ZSWIM5: variants seen among roughly 807,000 people sequenced by gnomAD.
ZSWIM5 encodes zinc finger SWIM domain-containing protein 5.
ZSWIM5 carries 55 observed loss-of-function variants against 119.6 expected under a neutral mutation model. The observed-to-expected ratio is 0.46, with a 90% CI of 0.37 to 0.58. The LOEUF is 0.58. Ranked by LOEUF, ZSWIM5 falls within the 20% of genes least tolerant of loss-of-function variation. The pLI is 0.00. For missense variants in ZSWIM5, 1,193 were observed against 1,512.8 expected (o/e 0.79, Z 3.51); for synonymous variants, 537 against 606.9 (o/e 0.88, Z 1.69).
intron 1 of ZSWIM5, among the ~76,000 whole-genome samples, chr1:45,197,084 G>C (rs191891909): frequency 2.0e-5 from 3 of 152,338 alleles, no homozygotes; most frequent in Non-Finnish European, 2.9e-5. Context: ...GAACTCAGCT[G>C]TGTTGACCAA....
At chr1:45,150,085 G>GT (rs1387543370) in intron 1 of ZSWIM5, among the ~76,000 whole-genome samples, 2 of 148,522 alleles carry the variant, frequency 1.3e-5, no homozygotes, top group Non-Finnish European at 3.0e-5. Flanking sequence ...CAGGAGGACT[G>GT]TTTGAGCCCA....
At chr1:45,137,469 A>G (rs554224963) in intron 1 of ZSWIM5, among the ~76,000 whole-genome samples, 57 of 152,354 alleles carry the variant, frequency 3.7e-4, no homozygotes, top group Admixed American at 3.5e-3. Context: ...AGAAAAAAAA[A>G]GTAGATCAAG....
At chr1:45,174,623 T>C (rs1645968018) in intron 1 of ZSWIM5, among the ~76,000 whole-genome samples, 1 of 149,682 alleles carries the variant, frequency 6.7e-6, no homozygotes, top group Non-Finnish European at 1.5e-5. Context: ...TACAAAATAC[T>C]CTCCTACTCG....
At chr1:45,205,693 C>T (rs1646183660) in intron 1 of ZSWIM5, 63 bp downstream of exon 1, 2 of 1,421,254 alleles carry the variant, frequency 1.4e-6, no homozygotes, top group Admixed American at 4.4e-5. Flanking sequence ...AGGGCTCGGG[C>T]CGAGAAGAGG....
chr1:45,096,544 ACACACACACG>A (rs1196727358), intron 1 of ZSWIM5, among the ~76,000 whole-genome samples: 2 of 145,218 alleles, frequency 1.4e-5, no homozygotes, highest in Admixed American at 6.7e-5. Flanking sequence ...CAACACACAC[ACACACACACG>A]CACACACACA....
chr1:45,105,923 G>T (rs1479589820), intron 1 of ZSWIM5, among the ~76,000 whole-genome samples: 2 of 122,094 alleles, frequency 1.6e-5, no homozygotes, highest in African/African-American at 6.2e-5. Flanking sequence ...AGGAAGTGAG[G>T]AGCGCCTCTG....
chr1:45,193,938 G>GTGTGTATATATATATATA (rs766920512), intron 1 of ZSWIM5, among the ~76,000 whole-genome samples: 2 of 146,210 alleles, frequency 1.4e-5, no homozygotes, highest in African/African-American at 5.1e-5. Context: ...GTGCATATGT[G>GTGTGTATATATATATATA]TATATATATA....
intron 1 of ZSWIM5, among the ~76,000 whole-genome samples, chr1:45,155,877 T>C (rs1389963857): frequency 6.6e-6 from 1 of 152,112 alleles, no homozygotes; most frequent in Non-Finnish European, 1.5e-5. Context: ...CTTTGGGGAC[T>C]TGGGGGGAAA....
intron 1 of ZSWIM5, among the ~76,000 whole-genome samples, chr1:45,149,107 A>T (rs150423904): frequency 6.8e-6 from 1 of 146,926 alleles, no homozygotes. Context: ...CACCTCTACA[A>T]TTTTTTTTTT....
At chr1:45,169,888 T>C (rs1366277745) in intron 1 of ZSWIM5, among the ~76,000 whole-genome samples, 2 of 152,088 alleles carry the variant, frequency 1.3e-5, no homozygotes, top group African/African-American at 4.8e-5. Context: ...ATTATACACA[T>C]ATATACTAGT....
chr1:45,092,671 A>G (rs887238503), intron 1 of ZSWIM5, among the ~76,000 whole-genome samples: 11 of 152,040 alleles, frequency 7.2e-5, no homozygotes, highest in Non-Finnish European at 1.0e-4. Context: ...ACACTAATCT[A>G]GGTGTTGCTG....
At position 45,088,699 on chromosome 1, in the gene ZSWIM5, G is replaced by A. The variant is rs1645346271; in HGVS notation, c.596-462C>T. ...AATGAAAGAGAATCCAAAATGCCAT[G>A]AGGAAGGACAGAAGGAAGATCAAAG... On this transcript the variant is annotated intron_variant, in intron 1 of 13. Coordinates refer to ENST00000359600, the MANE Select transcript of ZSWIM5 (RefSeq NM_020883.2). The surrounding 1 kb of genome is among the most constrained non-coding windows in gnomAD (Gnocchi z 4.2). Among the ~76,000 whole-genome samples, 1 of 152,160 alleles carries A rather than the reference G, an allele frequency of 6.6e-6. No individual in the cohort carries two copies. Among genetic ancestry groups the A allele is most frequent in the African/African-American group, 2.4e-5 (1 of 41,446 alleles).
intron 1 of ZSWIM5, among the ~76,000 whole-genome samples, chr1:45,163,808 T>C (rs1483187381): frequency 1.3e-5 from 2 of 151,944 alleles, no homozygotes; most frequent in East Asian, 3.9e-4. Context: ...CTCCAAGAAA[T>C]ATGGGACAAT....
At chr1:45,171,275 T>C (rs1403486530) in intron 1 of ZSWIM5, among the ~76,000 whole-genome samples, 1 of 152,074 alleles carries the variant, frequency 6.6e-6, no homozygotes, top group Admixed American at 6.6e-5. Context: ...AAAAAAGTAA[T>C]ACAAACGCCA....
chr1:45,073,976 T>C (rs1302966548), intron 2 of ZSWIM5, among the ~76,000 whole-genome samples: 5 of 152,026 alleles, frequency 3.3e-5, no homozygotes, highest in Admixed American at 2.0e-4. Context: ...TTTTTCAGCA[T>C]CAATTGAAAT....
intron 11 of ZSWIM5, among the ~76,000 whole-genome samples, chr1:45,028,467 C>T (rs7512137): frequency 0.98 from 149,301 of 152,298 alleles, 73,214 homozygotes; most frequent in Middle Eastern, 1. Context: ...CACACTTTTT[C>T]ATCAAAAATT....
At chr1:45,132,779 C>G (rs1290505956) in intron 1 of ZSWIM5, among the ~76,000 whole-genome samples, 2 of 152,240 alleles carry the variant, frequency 1.3e-5, no homozygotes, top group African/African-American at 4.8e-5. Context: ...CACCCCACAA[C>G]AGGCCCCAGT....
At chr1:45,067,467 GA>G (rs1645191096) in intron 2 of ZSWIM5, among the ~76,000 whole-genome samples, 1 of 150,870 alleles carries the variant, frequency 6.6e-6, no homozygotes, top group Admixed American at 6.6e-5. Flanking sequence ...AAGAAAGAAA[GA>G]AAGAAATACA....
chr1:45,153,609 C>A (rs915701367), intron 1 of ZSWIM5, among the ~76,000 whole-genome samples: 4 of 152,002 alleles, frequency 2.6e-5, no homozygotes, highest in Non-Finnish European at 5.9e-5. Flanking sequence ...AACACACATG[C>A]ACTCATATGT....
Sources: allele counts gnomAD v4.1 joint callset (sites outside exome capture counted in the v4.1 genomes callset), GRCh38; gene constraint gnomAD v4.1.1; non-coding constraint Gnocchi (gnomAD v3.1); transcripts MANE v1.5; gene names NCBI Gene and HGNC (gene_info 2026-07-23, HGNC 2026-07-21).